Variants in UBXN7 observed in about 807,000 individuals in gnomAD.
UBXN7 encodes the protein UBX domain-containing protein 7.
UBXN7 carries 9 observed loss-of-function variants against 58.0 expected under a neutral mutation model. The observed-to-expected ratio is 0.16, with a 90% CI of 0.09 to 0.27. UBXN7 has a LOEUF of 0.27. Among genes scored for constraint, UBXN7 ranks in the 10% least tolerant of loss-of-function variants. UBXN7 has a pLI of 1.00. For missense variants in UBXN7, 328 were observed against 599.6 expected (o/e 0.55, Z 4.73); for synonymous variants, 208 against 205.0 (o/e 1.01, Z -0.12).
At chr3:196,391,667 A>C (rs1432162609) in intron 5 of UBXN7, 146 bp downstream of exon 5, 3 of 538,206 alleles carry the variant, frequency 5.6e-6, no homozygotes, top group Non-Finnish European at 9.6e-6. Flanking sequence ...CCAAGAGTTC[A>C]AGGCTGCAGT....
At chr3:196,380,590 C>G (rs971228647) in intron 5 of UBXN7, among the ~76,000 whole-genome samples, 6 of 152,222 alleles carry the variant, frequency 3.9e-5, no homozygotes, top group African/African-American at 1.2e-4. Context: ...TTCTGCATTT[C>G]CAACTGAGGT....
At chr3:196,402,643 A>G (rs1730028680) in intron 3 of UBXN7, among the ~76,000 whole-genome samples, 1 of 152,220 alleles carries the variant, frequency 6.6e-6, no homozygotes, top group Admixed American at 6.5e-5. Flanking sequence ...GAGTAAGGAT[A>G]TGGCAGTCAA....
rs746137343 is a variant in UBXN7 at position 196,356,850 on chromosome 3, T to C, written c.1309-4A>G. 4.4e-6 allele frequency: 7 copies of C among 1,599,248 alleles called. No individual in the cohort carries two copies. Among genetic ancestry groups the C allele is most frequent in the South Asian group, 3.4e-5 (3 of 87,450 alleles). ...ACTGCACGTGCTTCACCAAAGCCTA[T>C]AAAAACAAGAGAAAGACAAAGCCAT... On this transcript the variant is annotated splice_region_variant and splice_polypyrimidine_tract_variant and intron_variant, in intron 10 of 10. Coordinates refer to ENST00000296328, the MANE Select transcript of UBXN7 (RefSeq NM_015562.2).
chr3:196,430,338 G>A (rs774646414), intron 1 of UBXN7, among the ~76,000 whole-genome samples: 3 of 151,634 alleles, frequency 2.0e-5, no homozygotes, highest in Non-Finnish European at 2.9e-5. Context: ...CTCCAACCTG[G>A]GCAACACAGC....
At chr3:196,375,095 A>C (rs2108835786) in intron 5 of UBXN7, among the ~76,000 whole-genome samples, 1 of 151,624 alleles carries the variant, frequency 6.6e-6, no homozygotes, top group African/African-American at 2.4e-5. Flanking sequence ...ATAAGTCTAG[A>C]GATCTCATGT....
chr3:196,429,381 C>T (rs1730951053), intron 1 of UBXN7, among the ~76,000 whole-genome samples: 1 of 151,434 alleles, frequency 6.6e-6, no homozygotes, highest in Non-Finnish European at 1.5e-5. Context: ...AGAGAGAGAT[C>T]TGTTCTATTC....
At chr3:196,429,265 T>C (rs957235888) in intron 1 of UBXN7, among the ~76,000 whole-genome samples, 9 of 151,034 alleles carry the variant, frequency 6.0e-5, no homozygotes. Flanking sequence ...AGGCAGAGCT[T>C]GCAGTGAGCC....
At chr3:196,391,517 A>G (rs1250402937) in intron 5 of UBXN7, among the ~76,000 whole-genome samples, 1 of 151,968 alleles carries the variant, frequency 6.6e-6, no homozygotes, top group Non-Finnish European at 1.5e-5. Context: ...GATTGCTTGA[A>G]CCTAGGCATT....
At position 196,350,550 on chromosome 3, in the gene UBXN7, A is replaced by G. The variant is rs1205596815; in HGVS notation, c.*6135T>C. 8.5e-6 allele frequency: 1 copy of G among 118,286 alleles called. No individual in the cohort carries two copies. The highest frequency in any genetic ancestry group is 1.9e-5 in the Non-Finnish European group (1 of 54,040). 7.3% of individuals were successfully genotyped at this position (118,286 alleles called of 1,614,324 possible). On this transcript the variant is annotated 3_prime_UTR_variant, in exon 11 of 11. Coordinates refer to ENST00000296328, the MANE Select transcript of UBXN7 (RefSeq NM_015562.2). ...TGAATGTTAAAAATAAATGGTGGAG[A>G]AGTAAAATGGAAAGCAGGATTAAAA...
intron 2 of UBXN7, among the ~76,000 whole-genome samples, chr3:196,405,004 A>G (rs9867369): frequency 0.37 from 56,321 of 151,848 alleles, 11,233 homozygotes; most frequent in East Asian, 0.84. Context: ...AAATACAAAA[A>G]TTAGTCAAGT....
intron 1 of UBXN7, among the ~76,000 whole-genome samples, chr3:196,430,833 A>G (rs921044542): frequency 1.3e-5 from 2 of 152,232 alleles, no homozygotes; most frequent in Non-Finnish European, 2.9e-5. Context: ...CTCCATAGCA[A>G]TGATTTGTCA....
At chr3:196,402,682 G>C (rs997905891) in intron 3 of UBXN7, among the ~76,000 whole-genome samples, 2 of 152,096 alleles carry the variant, frequency 1.3e-5, no homozygotes, top group African/African-American at 2.4e-5. Flanking sequence ...AAAATAATCA[G>C]AATCTTTTCA....
At chr3:196,372,351 T>C (rs1728868165) in intron 5 of UBXN7, among the ~76,000 whole-genome samples, 1 of 148,424 alleles carries the variant, frequency 6.7e-6, no homozygotes, top group Admixed American at 6.7e-5. Context: ...TTCTTTTTTT[T>C]TTTTTTTTGA....
intron 3 of UBXN7, among the ~76,000 whole-genome samples, chr3:196,401,483 T>A (rs1210817558): frequency 1.3e-5 from 2 of 150,816 alleles, no homozygotes; most frequent in African/African-American, 2.4e-5. Flanking sequence ...AGTTTACCGA[T>A]GAAGGCTATG....
chr3:196,396,755 T>A (rs1417674989), intron 3 of UBXN7, among the ~76,000 whole-genome samples: 1 of 151,876 alleles, frequency 6.6e-6, no homozygotes, highest in East Asian at 1.9e-4. Context: ...AGAGCGAGAC[T>A]CCATCTCAAA....
Position 196,347,662 on chromosome 3 carries a change from T to C in UBXN7, c.*9023A>G, listed in dbSNP as rs972950255. 2 of 152,140 alleles carry C rather than the reference T, an allele frequency of 1.3e-5. No homozygotes were observed. The highest frequency in any genetic ancestry group is 2.9e-5 in the Non-Finnish European group (2 of 68,024). The allele number at this position is 152,140 out of a possible 1,614,324, so 9.4% of individuals were successfully genotyped here. On this transcript the variant is annotated 3_prime_UTR_variant, in exon 11 of 11. Coordinates refer to ENST00000296328, the MANE Select transcript of UBXN7 (RefSeq NM_015562.2). Reference sequence around the variant, plus strand: ...AAAACAACAACACAAAAAAAACTAATACTGAAAAGTTTTTGTTTTTATTTC... The same window carrying C: ...AAAACAACAACACAAAAAAAACTAACACTGAAAAGTTTTTGTTTTTATTTC...
intron 7 of UBXN7, among the ~76,000 whole-genome samples, chr3:196,369,183 T>C (rs1728752067): frequency 6.6e-6 from 1 of 152,102 alleles, no homozygotes; most frequent in African/African-American, 2.4e-5. Context: ...CAGTTATTCT[T>C]CAAAAGAACA....
At position 196,352,355 on chromosome 3, in the gene UBXN7, C is replaced by G. The variant is rs1363854598; in HGVS notation, c.*4330G>C. ...CTCCGCCTCCCAGGTTCAAGAGATT[C>G]TTGTGCCTCAGCCTCCCCATTAGCT... On this transcript the variant is annotated 3_prime_UTR_variant, in exon 11 of 11. Coordinates refer to ENST00000296328, the MANE Select transcript of UBXN7 (RefSeq NM_015562.2). This position sits in a 1 kb window ranked among gnomAD's most constrained non-coding sequence, Gnocchi z 4.1. 6.6e-6 allele frequency: 1 copy of G among 152,196 alleles called. No individual in the cohort carries two copies. The highest frequency in any genetic ancestry group is 2.4e-5 in the African/African-American group (1 of 41,384). 9.4% of individuals were successfully genotyped at this position (152,196 alleles called of 1,614,324 possible). A position where few individuals can be genotyped will look rare whatever the true frequency, so the allele number is the denominator to read the frequency against.
At chr3:196,367,203 A>AC (rs397992038) in intron 8 of UBXN7, among the ~76,000 whole-genome samples, 1 of 151,386 alleles carries the variant, frequency 6.6e-6, no homozygotes, top group Non-Finnish European at 1.5e-5. Flanking sequence ...AAAAAAAAAA[A>AC]CCAACAAAAC....
Sources: allele counts gnomAD v4.1 joint callset (sites outside exome capture counted in the v4.1 genomes callset), GRCh38; gene constraint gnomAD v4.1.1; non-coding constraint Gnocchi (gnomAD v3.1); transcripts MANE v1.5; gene names NCBI Gene and HGNC (gene_info 2026-07-23, HGNC 2026-07-21).